CACNA1B: variants seen among roughly 807,000 people sequenced by gnomAD.
CACNA1B encodes calcium voltage-gated channel subunit alpha1 B.
A neutral mutation model predicts 247.2 loss-of-function variants in CACNA1B; 70 were observed. The ratio of observed to expected loss-of-function variants is 0.28; its 90% CI spans 0.23 to 0.35. The LOEUF (loss-of-function observed/expected upper bound fraction) is 0.35, where lower values mean the gene tolerates loss of function less well. Among genes scored for constraint, CACNA1B ranks in the 10% least tolerant of loss-of-function variants. The pLI is 1.00. For missense variants in CACNA1B, 2,367 were observed against 3,197.4 expected (o/e 0.74, Z 6.26); for synonymous variants, 1,231 against 1,294.4 (o/e 0.95, Z 1.05).
intron 18 of CACNA1B, chr9:138,017,182 G>C: frequency 1.9e-6 from 1 of 519,078 alleles, no homozygotes; most frequent in Middle Eastern, 3.2e-4. Flanking sequence ...CAGCTCATCT[G>C]TCTCCAGCGT....
chr9:137,913,066 G>GAATGA lies in CACNA1B; in HGVS notation c.531-112_531-108dup. 1.3e-6 allele frequency: 1 copy of GAATGA among 770,478 alleles called. No individual in the cohort carries two copies. The highest frequency in any genetic ancestry group is 2.2e-6 in the Non-Finnish European group (1 of 455,870). The allele number at this position is 770,478 out of a possible 1,614,324, so 47.7% of individuals were successfully genotyped here. On this transcript the variant is annotated intron_variant, in intron 3 of 46. Transcript: ENST00000371372. This position sits in a 1 kb window ranked among gnomAD's most constrained non-coding sequence, Gnocchi z 5.2. Reference sequence around the variant, plus strand: ...CTGTGGTTGGACAGTGGGGACACAGGAATGAAGGTGTCACTGCTCTTGGGA... The same window carrying GAATGA: ...CTGTGGTTGGACAGTGGGGACACAGGAATGAAATGAAGGTGTCACTGCTCTTGGGA...
At chr9:137,915,885 C>T (rs1168359124) in intron 5 of CACNA1B, among the ~76,000 whole-genome samples, 2 of 151,600 alleles carry the variant, frequency 1.3e-5, no homozygotes, top group Non-Finnish European at 2.9e-5. Flanking sequence ...TCTTCTTTAC[C>T]AGCATTTATC....
intron 15 of CACNA1B, among the ~76,000 whole-genome samples, chr9:138,005,762 G>A (rs746636573): frequency 3.9e-5 from 6 of 152,106 alleles, no homozygotes; most frequent in Non-Finnish European, 5.9e-5. Context: ...ATTAAAAAAC[G>A]GCAGGGTGTG....
At chr9:137,982,657 G>A (rs1026413713) in intron 12 of CACNA1B, among the ~76,000 whole-genome samples, 1 of 152,226 alleles carries the variant, frequency 6.6e-6, no homozygotes, top group Admixed American at 6.5e-5. Flanking sequence ...CTGGCAATGA[G>A]AAGAAAGTAT....
At chr9:138,091,414 G>T (rs541620334) in intron 36 of CACNA1B, among the ~76,000 whole-genome samples, 1 of 152,306 alleles carries the variant, frequency 6.6e-6, no homozygotes, top group East Asian at 1.9e-4. Context: ...ATAGCCAAAG[G>T]TTGGTGAACG....
intron 21 of CACNA1B, among the ~76,000 whole-genome samples, chr9:138,045,365 G>T (rs1959173127): frequency 6.6e-6 from 1 of 152,190 alleles, no homozygotes; most frequent in Non-Finnish European, 1.5e-5. Context: ...CCACTGAGTA[G>T]ATGGTAAGGG....
At chr9:138,118,827 G>T in intron 44 of CACNA1B, 59 bp downstream of exon 44, 1 of 766,292 alleles carries the variant, frequency 1.3e-6, no homozygotes. Flanking sequence ...GGGGAAGTGG[G>T]GCTGTGGCTC....
At chr9:137,915,421 G>C (rs758929035) in intron 5 of CACNA1B, among the ~76,000 whole-genome samples, 2 of 152,094 alleles carry the variant, frequency 1.3e-5, no homozygotes, top group African/African-American at 4.8e-5. Flanking sequence ...CAAATTATGG[G>C]TGTATTTGTA....
At position 138,120,698 on chromosome 9, in the gene CACNA1B, A is replaced by G. The variant is rs765097501; in HGVS notation, c.6306A>G (p.Arg2102=). Reference sequence around the variant, plus strand: ...GGCCTACAGGCTGCCGGCGGGAACGAGAGCGCCGGCAGGAGCGGGGCCGGT... The same window carrying G: ...GGCCTACAGGCTGCCGGCGGGAACGGGAGCGCCGGCAGGAGCGGGGCCGGT... ...GEGPTGCRRE[R]ERRQERGRSQ... The change falls in exon 46 of 47, where the codon CGA becomes CGG. Residue 2102 remains arginine, a synonymous_variant. Transcript: ENST00000371372. The G allele has an allele frequency of 6.6e-7, 1 of 1,518,202 alleles. No individual in the cohort carries two copies. Among genetic ancestry groups the G allele is most frequent in the Non-Finnish European group, 8.8e-7 (1 of 1,137,938 alleles). 94.0% of individuals were successfully genotyped at this position (1,518,202 alleles called of 1,614,324 possible).
chr9:137,945,946 G>A (rs1957790909), intron 6 of CACNA1B, among the ~76,000 whole-genome samples: 1 of 152,118 alleles, frequency 6.6e-6, no homozygotes, highest in African/African-American at 2.4e-5. Context: ...AGCCTCCCAA[G>A]TAACTGGGAC....
chr9:137,982,547 G>A (rs934348618), intron 12 of CACNA1B, among the ~76,000 whole-genome samples: 3 of 152,230 alleles, frequency 2.0e-5, no homozygotes, highest in Non-Finnish European at 2.9e-5. Context: ...TGAATACTGG[G>A]TGGTAGGGAT....
intron 35 of CACNA1B, among the ~76,000 whole-genome samples, chr9:138,077,613 C>A (rs1245416444): frequency 6.6e-6 from 1 of 152,088 alleles, no homozygotes; most frequent in African/African-American, 2.4e-5. Context: ...TCAGAAGCTT[C>A]CATAGCACAG....
At position 138,020,188 on chromosome 9, in the gene CACNA1B, G is replaced by A. The variant is rs998237087; in HGVS notation, c.2268-2823G>A. On this transcript the variant is annotated intron_variant, in intron 18 of 46. Transcript: ENST00000371372. The surrounding 1 kb of genome is among the most constrained non-coding windows in gnomAD (Gnocchi z 4.1). Reference sequence around the variant, plus strand: ...TATTGTCAGCAGTTCCGGGTTGTCTGAGCCCAGAGACCTCAAAGCAGGGCC... The same window carrying A: ...TATTGTCAGCAGTTCCGGGTTGTCTAAGCCCAGAGACCTCAAAGCAGGGCC... 1.3e-5 allele frequency among the ~76,000 whole-genome samples: 2 copies of A among 151,612 alleles called. No individual in the cohort carries two copies. The highest frequency in any genetic ancestry group is 4.8e-5 in the African/African-American group (2 of 41,256).
rs531284373 is a variant in CACNA1B, at chr9:137,930,426, T to C, written c.966+12995T>C. On this transcript the variant is annotated intron_variant, in intron 6 of 46. Coordinates refer to ENST00000371372, the MANE Select transcript of CACNA1B (RefSeq NM_000718.4). ...CTGTTATCTTTCTGTTATTAATTTC[T>C]AGTTTGATTCTATTGTGGTGGGAGA... is the stretch of plus-strand genomic sequence containing the variant. 2.0e-5 allele frequency among the ~76,000 whole-genome samples: 3 copies of C among 152,360 alleles called. No homozygotes were observed. The South Asian group carries it at 6.2e-4, about 32-fold the overall frequency.
intron 36 of CACNA1B, among the ~76,000 whole-genome samples, chr9:138,079,251 G>A (rs1013227063): frequency 5.9e-5 from 9 of 152,092 alleles, no homozygotes; most frequent in Admixed American, 5.9e-4. Flanking sequence ...GGTGAGCACT[G>A]ACGTAGGGGA....
At chr9:138,013,295 T>G in intron 18 of CACNA1B, 60 bp downstream of exon 18, 1 of 1,319,488 alleles carries the variant, frequency 7.6e-7, no homozygotes, top group East Asian at 2.4e-5. Context: ...GTCCCATGGC[T>G]GGGCCCTCCC....
In CACNA1B at chr9:137,917,126, T is replaced by C. The variant is rs556051033; in HGVS notation, c.776-115T>C. 2.0e-5 allele frequency: 17 copies of C among 859,088 alleles called. No homozygotes were observed. In the African/African-American group the frequency reaches 2.9e-4, roughly 15 times the overall value. 53.2% of individuals were successfully genotyped at this position (859,088 alleles called of 1,614,324 possible). ...TGGGAAGTTGAGGGAGAGTTTCTGT[T>C]GGTGGCTGGTTCCTGCCCACCTGCT... On this transcript the variant is annotated intron_variant, in intron 5 of 46. Coordinates refer to ENST00000371372, the MANE Select transcript of CACNA1B (RefSeq NM_000718.4). This position sits in a 1 kb window ranked among gnomAD's most constrained non-coding sequence, Gnocchi z 5.5.
chr9:138,100,952 A>G lies in CACNA1B; in HGVS notation c.5223-1759A>G, dbSNP rs1000540705. Among the ~76,000 whole-genome samples, 1 of 151,472 alleles carries G rather than the reference A, an allele frequency of 6.6e-6. No individual in the cohort carries two copies. The highest frequency in any genetic ancestry group is 1.5e-5 in the Non-Finnish European group (1 of 67,808). ...CACCTCCCGGGGAGCTCCAAGCCCC[A>G]GTACCCCGGCGAGGTGCCACCTGTC... On this transcript the variant is annotated intron_variant, in intron 37 of 46. Coordinates refer to ENST00000371372, the MANE Select transcript of CACNA1B (RefSeq NM_000718.4). The surrounding 1 kb of genome is among the most constrained non-coding windows in gnomAD (Gnocchi z 4.6).
intron 20 of CACNA1B, 130 bp downstream of exon 20, chr9:138,025,302 G>A (rs1958908262): frequency 3.1e-6 from 2 of 646,518 alleles, no homozygotes; most frequent in Non-Finnish European, 5.5e-6. Flanking sequence ...TGGCTGGAGA[G>A]AGAGTCCTTT....
Sources: allele counts gnomAD v4.1 joint callset (sites outside exome capture counted in the v4.1 genomes callset), GRCh38; gene constraint gnomAD v4.1.1; non-coding constraint Gnocchi (gnomAD v3.1); transcripts MANE v1.5; gene names NCBI Gene and HGNC (gene_info 2026-07-23, HGNC 2026-07-21).